The following CDH13 variants were observed in gnomAD, a reference collection of about 807,000 sequenced individuals.
The protein encoded by CDH13 is cadherin 13.
A neutral mutation model predicts 63.8 loss-of-function variants in CDH13; 24 were observed. That is an observed-to-expected ratio of 0.38 (90% CI 0.27 to 0.53). CDH13 has a LOEUF of 0.53. Among genes scored for constraint, CDH13 ranks in the 20% least tolerant of loss-of-function variants. The pLI is 0.85. For synonymous variants in CDH13, 503 were observed against 355.3 expected, an observed-to-expected ratio of 1.42 and a Z score of -4.67; for missense variants, 1,049 against 903.1, an observed-to-expected ratio of 1.16 and a Z score of -2.07.
intron 5 of CDH13, among the ~76,000 whole-genome samples, chr16:83,302,558 T>A (rs1427603665): frequency 6.6e-6 from 1 of 152,194 alleles, no homozygotes; most frequent in Non-Finnish European, 1.5e-5. Flanking sequence ...ATCCCTTAAT[T>A]CAGAGCTATT....
chr16:83,137,376 T>G (rs1190087588), intron 4 of CDH13, among the ~76,000 whole-genome samples: 5 of 151,794 alleles, frequency 3.3e-5, no homozygotes, highest in South Asian at 2.1e-4. Flanking sequence ...AGGAAGGGAG[T>G]GATAAAATTC....
intron 8 of CDH13, among the ~76,000 whole-genome samples, chr16:83,658,867 G>T (rs1452835784): frequency 7.7e-5 from 11 of 142,580 alleles, no homozygotes; most frequent in Non-Finnish European, 1.7e-4. Context: ...TCACCAGCAA[G>T]GTCTCCTGTC....
chr16:83,025,822 A>T (rs1441451161), intron 2 of CDH13, among the ~76,000 whole-genome samples: 2 of 152,176 alleles, frequency 1.3e-5, no homozygotes, highest in Non-Finnish European at 2.9e-5. Context: ...CACCTTGACA[A>T]AGAGTTTATA....
chr16:83,121,771 A>T (rs61113216), intron 3 of CDH13, among the ~76,000 whole-genome samples: 34,868 of 152,122 alleles, frequency 0.23, 4,417 homozygotes, highest in East Asian at 0.37. Context: ...CAGTAAAATT[A>T]CTGAGTGAAG....
intron 1 of CDH13, chr16:82,727,665 G>A (rs1474799882): frequency 2.0e-5 from 3 of 152,172 alleles, no homozygotes; most frequent in African/African-American, 7.2e-5. Context: ...AAGTGTCAGA[G>A]TAGATTCTGG....
intron 11 of CDH13, among the ~76,000 whole-genome samples, chr16:83,755,384 A>T (rs962920146): frequency 1.3e-5 from 2 of 152,186 alleles, no homozygotes; most frequent in African/African-American, 4.8e-5. Context: ...AGAAAAAAAA[A>T]TTTGAAGATG....
At chr16:82,799,035 A>G (rs79600778) in intron 1 of CDH13, among the ~76,000 whole-genome samples, 7,833 of 152,126 alleles carry the variant, frequency 0.051, 316 homozygotes, top group Non-Finnish European at 0.081. Context: ...TAATCACTAA[A>G]TTTTGTACCT....
chr16:83,257,986 A>G (rs1002962369), intron 5 of CDH13, among the ~76,000 whole-genome samples: 9 of 152,096 alleles, frequency 5.9e-5, no homozygotes, highest in South Asian at 2.1e-4. Flanking sequence ...TGGTATCTCA[A>G]TGTGGTATTG....
chr16:83,211,747 G>A lies in CDH13; in HGVS notation c.484-5598G>A, dbSNP rs548385173. Among the ~76,000 whole-genome samples, 48 of 145,712 alleles carry A rather than the reference G, an allele frequency of 3.3e-4. 1 individual carries two copies. The South Asian group carries it at 5.8e-3, about 18-fold the overall frequency. The stretch of plus-strand genomic sequence containing the variant: ...CAGAAGACACTGGTCCCAGCTATGC[G>A]ACGCCCACCTCCCCCCCCCAAACAG... On this transcript the variant is annotated intron_variant, in intron 4 of 13. Coordinates refer to ENST00000567109, the MANE Select transcript of CDH13 (RefSeq NM_001257.5).
intron 1 of CDH13, among the ~76,000 whole-genome samples, chr16:82,756,983 G>A (rs1371261114): frequency 6.6e-6 from 1 of 152,076 alleles, no homozygotes; most frequent in South Asian, 2.1e-4. Flanking sequence ...CATTATCTTT[G>A]TTGACGACTG....
chr16:82,947,076 C>T (rs968651950), intron 2 of CDH13, among the ~76,000 whole-genome samples: 1 of 150,862 alleles, frequency 6.6e-6, no homozygotes, highest in Non-Finnish European at 1.5e-5. Flanking sequence ...AAGGCTATCT[C>T]CCTTCCTTAT....
At chr16:82,992,205 A>G (rs1911736541) in intron 2 of CDH13, among the ~76,000 whole-genome samples, 1 of 152,196 alleles carries the variant, frequency 6.6e-6, no homozygotes, top group Admixed American at 6.5e-5. Context: ...GTTGTGAGCT[A>G]GCTGGGAAAG....
At chr16:82,957,131 G>A (rs1363304949) in intron 2 of CDH13, among the ~76,000 whole-genome samples, 2 of 152,106 alleles carry the variant, frequency 1.3e-5, no homozygotes, top group African/African-American at 4.8e-5. Flanking sequence ...CCCAGTCAGT[G>A]GGAAAGGGGA....
At chr16:82,887,236 C>T (rs2040920411) in intron 2 of CDH13, among the ~76,000 whole-genome samples, 1 of 152,116 alleles carries the variant, frequency 6.6e-6, no homozygotes, top group South Asian at 2.1e-4. Flanking sequence ...CTTTGCAGGC[C>T]AGCTGGCCTG....
chr16:83,660,887 A>T (rs1913379649), intron 8 of CDH13, among the ~76,000 whole-genome samples: 1 of 152,094 alleles, frequency 6.6e-6, no homozygotes. Context: ...AAGGAGAGCT[A>T]CTAACGTCCA....
chr16:83,313,968 T>C (rs2090053403), intron 5 of CDH13, among the ~76,000 whole-genome samples: 1 of 152,230 alleles, frequency 6.6e-6, no homozygotes, highest in African/African-American at 2.4e-5. Context: ...GTTTCATTAA[T>C]GATGGAATGT....
chr16:83,118,468 C>T (rs141820684), intron 3 of CDH13, among the ~76,000 whole-genome samples: 6 of 152,172 alleles, frequency 3.9e-5, no homozygotes, highest in Non-Finnish European at 5.9e-5. Context: ...CATCTGCACG[C>T]GTCTAGTAAA....
chr16:83,272,692 G>C (rs1024333628), intron 5 of CDH13, among the ~76,000 whole-genome samples: 1 of 152,090 alleles, frequency 6.6e-6, no homozygotes, highest in African/African-American at 2.4e-5. Flanking sequence ...ATTTCATAAG[G>C]TGGAAAAACT....
At chr16:82,975,258 A>T (rs182793183) in intron 2 of CDH13, among the ~76,000 whole-genome samples, 1 of 152,272 alleles carries the variant, frequency 6.6e-6, no homozygotes, top group African/African-American at 2.4e-5. Context: ...AGCAGAGATA[A>T]GGCTCCCAAG....
Sources: gnomAD v4.1 joint callset for allele counts (sites outside exome capture counted in the v4.1 genomes callset) on GRCh38, gnomAD v4.1.1 for gene constraint, MANE v1.5 for transcripts, NCBI Gene and HGNC (gene_info 2026-07-23, HGNC 2026-07-21) for gene names.